The following COLGALT2 variants were observed in gnomAD, a reference collection of about 807,000 sequenced individuals.
COLGALT2 encodes the protein collagen beta(1-O)galactosyltransferase 2, also known as procollagen galactosyltransferase 2.
In COLGALT2, 49 loss-of-function variants were observed where a neutral mutation model predicts 73.4. That is an observed-to-expected ratio of 0.67 (90% CI 0.53 to 0.85). The LOEUF (loss-of-function observed/expected upper bound fraction) is 0.85. Among genes scored for constraint, COLGALT2 ranks in the 40% least tolerant of loss-of-function variants. The pLI is 0.00. For missense variants in COLGALT2, 722 were observed against 790.2 expected, an observed-to-expected ratio of 0.91 and a Z score of 1.03; for synonymous variants, 295 against 307.6, an observed-to-expected ratio of 0.96 and a Z score of 0.43.
At chr1:184,026,449 C>T (rs1473684797) in intron 1 of COLGALT2, among the ~76,000 whole-genome samples, 2 of 152,180 alleles carry the variant, frequency 1.3e-5, no homozygotes, top group Non-Finnish European at 2.9e-5. Flanking sequence ...TTGCAATCTT[C>T]CCCACAGGAG....
At chr1:183,931,301 C>T (rs1417850601), downstream of COLGALT2, among the ~76,000 whole-genome samples, 2 of 152,114 alleles carry the variant, frequency 1.3e-5, no homozygotes, top group African/African-American at 2.4e-5. Context: ...CACATGAATT[C>T]CCACAAACTA....
At chr1:183,983,791 C>T (rs373790023) in intron 1 of COLGALT2, among the ~76,000 whole-genome samples, 1 of 152,114 alleles carries the variant, frequency 6.6e-6, no homozygotes, top group Non-Finnish European at 1.5e-5. Flanking sequence ...AGTACTGCCT[C>T]GAATCTGTTA....
chr1:183,970,958 T>C (rs1014957344), intron 4 of COLGALT2, among the ~76,000 whole-genome samples: 3 of 152,166 alleles, frequency 2.0e-5, no homozygotes, highest in Non-Finnish European at 4.4e-5. Context: ...TTGCGTCTAA[T>C]ATAAAGTTCT....
Position 183,938,213 on chromosome 1 carries a change from AAAT to A in COLGALT2, c.*545_*547del. 3.1e-6 allele frequency: 2 copies of A among 642,312 alleles called. No homozygotes were observed. Among genetic ancestry groups the A allele is most frequent in the Non-Finnish European group, 3.7e-6 (2 of 542,370 alleles). 39.8% of individuals were successfully genotyped at this position (642,312 alleles called of 1,614,324 possible). ...GGGACTAAGATTTTTTTTTTTTAAA[AAAT>A]CTACTTTTCAATAAGACTTGTGACA... On this transcript the variant is annotated 3_prime_UTR_variant, in exon 12 of 12. Transcript: ENST00000361927.
At chr1:183,984,229 AC>A (rs1314334033) in intron 1 of COLGALT2, among the ~76,000 whole-genome samples, 1 of 152,138 alleles carries the variant, frequency 6.6e-6, no homozygotes, top group Non-Finnish European at 1.5e-5. Flanking sequence ...ACATGGTGAA[AC>A]CCCGTCTCTA....
chr1:183,965,512 C>T (rs923911509), intron 5 of COLGALT2, among the ~76,000 whole-genome samples: 10 of 151,916 alleles, frequency 6.6e-5, no homozygotes, highest in Admixed American at 2.0e-4. Context: ...AAGAGGAGGA[C>T]GATTATAACC....
At chr1:183,947,569 C>T (rs191956102) in intron 8 of COLGALT2, among the ~76,000 whole-genome samples, 114 of 152,214 alleles carry the variant, frequency 7.5e-4, no homozygotes, top group Middle Eastern at 3.4e-3. Flanking sequence ...GAAAACACAG[C>T]ATACCAAAAC....
chr1:184,004,150 T>TA (rs1187439756), intron 1 of COLGALT2, among the ~76,000 whole-genome samples: 2 of 152,208 alleles, frequency 1.3e-5, no homozygotes, highest in Non-Finnish European at 2.9e-5. Flanking sequence ...GTAAGCTAGC[T>TA]ACGGTCTTAA....
At position 184,034,278 on chromosome 1, in the gene COLGALT2, C is replaced by CTTT. The variant is rs11347812; in HGVS notation, c.263+2814_263+2816dup. 3.1e-3 allele frequency among the ~76,000 whole-genome samples: 441 copies of CTTT among 143,064 alleles called. 1 individual carries two copies. Among genetic ancestry groups the CTTT allele is most frequent in the African/African-American group, 0.01 (398 of 38,760 alleles). The allele number at this position is 143,064 out of a possible 152,430, so 93.9% of individuals were successfully genotyped here. On this transcript the variant is annotated intron_variant, in intron 1 of 11. Coordinates refer to ENST00000361927, the MANE Select transcript of COLGALT2 (RefSeq NM_015101.4). ...AAAACTCTGGTTGATGCCCTATTAT[C>CTTT]TTTTTTTTTTTTTTTGCTTGTTTTT...
chr1:183,955,137 C>T (rs544279953), intron 6 of COLGALT2, among the ~76,000 whole-genome samples: 1 of 152,234 alleles, frequency 6.6e-6, no homozygotes, highest in Admixed American at 6.5e-5. Flanking sequence ...GCTCCAGAGT[C>T]GGATGATCTG....
intron 1 of COLGALT2, among the ~76,000 whole-genome samples, chr1:183,994,521 C>G (rs1671718933): frequency 6.6e-6 from 1 of 152,136 alleles, no homozygotes. Flanking sequence ...GTGGTGTGAT[C>G]TCAGCTCACT....
intron 1 of COLGALT2, among the ~76,000 whole-genome samples, chr1:184,020,330 T>C (rs1386814332): frequency 6.6e-6 from 1 of 152,206 alleles, no homozygotes; most frequent in Admixed American, 6.5e-5. Context: ...ATAATATAGT[T>C]AAATGGATTG....
intron 4 of COLGALT2, among the ~76,000 whole-genome samples, chr1:183,970,993 A>G (rs534701006): frequency 6.6e-6 from 1 of 152,318 alleles, no homozygotes; most frequent in African/African-American, 2.4e-5. Context: ...CAATATTCCC[A>G]GAATGATTAG....
chr1:183,933,651 C>T (rs1669888895), downstream of COLGALT2, among the ~76,000 whole-genome samples: 1 of 152,178 alleles, frequency 6.6e-6, no homozygotes, highest in African/African-American at 2.4e-5. Flanking sequence ...CTGCCCACTC[C>T]ACTTTGAAAA....
At chr1:183,930,972 C>T (rs1669833272), downstream of COLGALT2, among the ~76,000 whole-genome samples, 1 of 152,208 alleles carries the variant, frequency 6.6e-6, no homozygotes, top group Admixed American at 6.5e-5. Flanking sequence ...AACATCTCTA[C>T]CCAGAAACCT....
chr1:183,945,311 T>C, intron 9 of COLGALT2, 121 bp downstream of exon 9: 1 of 1,169,098 alleles, frequency 8.6e-7, no homozygotes, highest in Non-Finnish European at 1.2e-6. Context: ...CAGGAGCAGC[T>C]CTCATGCACA....
intron 1 of COLGALT2, among the ~76,000 whole-genome samples, chr1:184,003,512 T>A (rs1038413039): frequency 9.9e-5 from 15 of 152,216 alleles, no homozygotes; most frequent in African/African-American, 3.6e-4. Context: ...TTCAGATGGC[T>A]GCAGCCTCCC....
At chr1:184,002,750 C>T (rs906688049) in intron 1 of COLGALT2, among the ~76,000 whole-genome samples, 107 of 152,228 alleles carry the variant, frequency 7.0e-4, no homozygotes, top group African/African-American at 2.5e-3. Context: ...ATCTTGATGC[C>T]ATTGTTATTT....
chr1:183,972,395 A>ACTG (rs1671064905), intron 4 of COLGALT2, among the ~76,000 whole-genome samples: 1 of 152,234 alleles, frequency 6.6e-6, no homozygotes, highest in Admixed American at 6.5e-5. Context: ...GGCATGAGAC[A>ACTG]CTGCTCCTGG....
Sources: allele counts gnomAD v4.1 joint callset (sites outside exome capture counted in the v4.1 genomes callset), GRCh38; gene constraint gnomAD v4.1.1; transcripts MANE v1.5; gene names NCBI Gene and HGNC (gene_info 2026-07-23, HGNC 2026-07-21).